Variants in TNNI3K observed in about 807,000 individuals in gnomAD.
TNNI3K encodes the protein serine/threonine-protein kinase TNNI3K.
Under a neutral mutation model 114.5 loss-of-function variants are expected in TNNI3K, and 140 were observed. The observed-to-expected ratio is 1.22, with a 90% confidence interval of 1.07 to 1.41. The LOEUF is 1.41. TNNI3K is among the 40% of genes most tolerant of loss of function. The pLI is 0.00. For missense variants in TNNI3K, 1,125 were observed against 1,007.6 expected, an observed-to-expected ratio of 1.12 and a Z score of -1.58; for synonymous variants, 347 against 347.5, an observed-to-expected ratio of 1.00 and a Z score of 0.02.
chr1:74,475,414 G>T, intron 21 of TNNI3K: 1 of 717,080 alleles, frequency 1.4e-6, no homozygotes. Flanking sequence ...TTCATTAAAA[G>T]CTCTCATATT....
At chr1:74,285,126 T>TA (rs1657247963) in intron 5 of TNNI3K, among the ~76,000 whole-genome samples, 4 of 152,204 alleles carry the variant, frequency 2.6e-5, no homozygotes, top group Non-Finnish European at 5.9e-5. Context: ...CTTCCTACAA[T>TA]AGTACCTTGA....
At chr1:74,513,066 A>T (rs534921774) in intron 23 of TNNI3K, among the ~76,000 whole-genome samples, 1 of 152,354 alleles carries the variant, frequency 6.6e-6, no homozygotes, top group East Asian at 1.9e-4. Flanking sequence ...GGGGCTGTTA[A>T]CAAAGTCAAG....
intron 5 of TNNI3K, among the ~76,000 whole-genome samples, chr1:74,325,959 G>C (rs959180152): frequency 6.6e-6 from 1 of 152,132 alleles, no homozygotes; most frequent in Non-Finnish European, 1.5e-5. Context: ...GGAAATGGGT[G>C]TCATCCCAAT....
chr1:74,486,270 C>T (rs1668761039), intron 21 of TNNI3K, among the ~76,000 whole-genome samples: 1 of 147,888 alleles, frequency 6.8e-6, no homozygotes, highest in Admixed American at 7.0e-5. Flanking sequence ...CTAAGTGACT[C>T]ACTCCCCTCC....
intron 17 of TNNI3K, among the ~76,000 whole-genome samples, chr1:74,402,949 G>T (rs1664444468): frequency 6.6e-6 from 1 of 151,874 alleles, no homozygotes; most frequent in Non-Finnish European, 1.5e-5. Flanking sequence ...TCTTCCAATG[G>T]AATTTTAACA....
At position 74,409,893 on chromosome 1, in the gene TNNI3K, G is replaced by A. The variant is rs371925210; in HGVS notation, c.1773-26187G>A. On this transcript the variant is annotated intron_variant, in intron 17 of 24. Transcript: ENST00000326637. ...TATTCTTTTATTGACAATTGGATAA[G>A]TTAGTGACTTTACTATGAAAGTCAA... is the stretch of plus-strand genomic sequence containing the variant. 1.8e-4 allele frequency among the ~76,000 whole-genome samples: 28 copies of A among 152,218 alleles called. No individual in the cohort carries two copies. In the South Asian group the frequency reaches 5.6e-3, roughly 30 times the overall value.
chr1:74,409,696 G>A (rs924852219), intron 17 of TNNI3K, among the ~76,000 whole-genome samples: 9 of 151,856 alleles, frequency 5.9e-5, no homozygotes, highest in Admixed American at 5.9e-4. Flanking sequence ...TTTTCACCTT[G>A]TTGGCCAGGC....
chr1:74,424,456 C>T (rs61776247), intron 17 of TNNI3K, among the ~76,000 whole-genome samples: 9,217 of 152,038 alleles, frequency 0.061, 308 homozygotes, highest in African/African-American at 0.096. Flanking sequence ...CAGAGGCTTG[C>T]ACCTGTTATC....
chr1:74,489,224 A>G lies in TNNI3K; in HGVS notation c.2157A>G (p.Leu719=), dbSNP rs772679355. ...RPEFSEVVMK[L]EECLCNIELM... is the part of the protein sequence containing the mutation. The stretch of plus-strand genomic sequence containing the variant: ...AATTTTCTGAAGTTGTCATGAAGTT[A>G]GAAGAGTGTCTCTGCAACATTGAGG... Residue 719 remains leucine (L), a synonymous_variant, in exon 22 of 25, where the codon TTA becomes TTG. Transcript: ENST00000326637. 2 of 1,612,278 alleles carry G rather than the reference A, an allele frequency of 1.2e-6. No individual in the cohort carries two copies. Among genetic ancestry groups the G allele is most frequent in the Non-Finnish European group, 1.7e-6 (2 of 1,179,226 alleles).
At chr1:74,272,955 A>G (rs1399776073) in intron 5 of TNNI3K, among the ~76,000 whole-genome samples, 1 of 151,440 alleles carries the variant, frequency 6.6e-6, no homozygotes, top group Non-Finnish European at 1.5e-5. Context: ...TAGCTCAACA[A>G]TGTAAAAGAT....
At chr1:74,336,772 C>A (rs917086947) in intron 7 of TNNI3K, among the ~76,000 whole-genome samples, 1 of 151,114 alleles carries the variant, frequency 6.6e-6, no homozygotes, top group Non-Finnish European at 1.5e-5. Flanking sequence ...TGGGTTGGTT[C>A]CAAGTCTTTG....
chr1:74,382,307 A>G (rs946319677), intron 17 of TNNI3K, among the ~76,000 whole-genome samples: 3 of 152,150 alleles, frequency 2.0e-5, no homozygotes, highest in African/African-American at 7.2e-5. Context: ...GTCCATGTCT[A>G]CCTTTTCACA....
intron 5 of TNNI3K, among the ~76,000 whole-genome samples, chr1:74,288,295 C>G (rs1331309187): frequency 6.6e-6 from 1 of 152,082 alleles, no homozygotes; most frequent in Non-Finnish European, 1.5e-5. Flanking sequence ...TTCTATTGCT[C>G]TCTCATTCGT....
chr1:74,507,224 C>CCA (rs1553153837), intron 23 of TNNI3K, among the ~76,000 whole-genome samples: 3 of 27,142 alleles, frequency 1.1e-4, no homozygotes, highest in Non-Finnish European at 2.7e-4. Context: ...AATTTCTTCA[C>CCA]CCCCCCCCCA....
intron 23 of TNNI3K, among the ~76,000 whole-genome samples, chr1:74,495,864 C>T (rs1048049306): frequency 6.6e-6 from 1 of 152,124 alleles, no homozygotes; most frequent in Non-Finnish European, 1.5e-5. Context: ...GACTATTTCT[C>T]CCAAGCCTGC....
chr1:74,299,545 C>T (rs1658190960), intron 5 of TNNI3K, among the ~76,000 whole-genome samples: 1 of 151,960 alleles, frequency 6.6e-6, no homozygotes, highest in South Asian at 2.1e-4. Context: ...TTTCAGTATG[C>T]CAGGTATTTT....
chr1:74,428,867 C>T (rs1665759908), intron 17 of TNNI3K, among the ~76,000 whole-genome samples: 1 of 151,972 alleles, frequency 6.6e-6, no homozygotes, highest in Non-Finnish European at 1.5e-5. Flanking sequence ...CCCAGGAGTT[C>T]GAGGTTACAG....
chr1:74,523,401 T>C (rs1257115210), intron 23 of TNNI3K, among the ~76,000 whole-genome samples: 1 of 152,200 alleles, frequency 6.6e-6, no homozygotes, highest in Non-Finnish European at 1.5e-5. Flanking sequence ...TTTATTGTGT[T>C]TGTGTATTCA....
chr1:74,540,369 TCTATTTG>T, intron 24 of TNNI3K, 56 bp downstream of exon 24: 1 of 1,538,086 alleles, frequency 6.5e-7, no homozygotes, highest in African/African-American at 1.4e-5. Context: ...GAAGGTGATG[TCTATTTG>T]ACAAAAAGGG....
Sources: allele counts gnomAD v4.1 joint callset (sites outside exome capture counted in the v4.1 genomes callset), GRCh38; gene constraint gnomAD v4.1.1; transcripts MANE v1.5; gene names NCBI Gene and HGNC (gene_info 2026-07-23, HGNC 2026-07-21).